NALF1: variants seen among roughly 807,000 people sequenced by gnomAD.
The protein encoded by NALF1 is family with sequence similarity 155 member A.
Under a neutral mutation model 48.4 loss-of-function variants are expected in NALF1, and 3 were observed. The observed-to-expected ratio is 0.06, with a 90% CI of 0.03 to 0.16. The LOEUF (loss-of-function observed/expected upper bound fraction) is 0.16, where lower values mean the gene tolerates loss of function less well. Ranked by LOEUF, NALF1 falls within the 10% of genes least tolerant of loss-of-function variation. NALF1 has a pLI of 1.00. For synonymous variants in NALF1, 262 were observed against 245.7 expected (o/e 1.07, Z -0.62); for missense variants, 526 against 571.5 (o/e 0.92, Z 0.81).
intron 1 of NALF1, among the ~76,000 whole-genome samples, chr13:107,421,283 T>C (rs1458772600): frequency 6.6e-6 from 1 of 152,174 alleles, no homozygotes; most frequent in African/African-American, 2.4e-5. Flanking sequence ...TGGTGCTTCC[T>C]CCTCAGATAT....
chr13:107,777,801 A>G (rs917407337), intron 1 of NALF1, among the ~76,000 whole-genome samples: 18 of 152,230 alleles, frequency 1.2e-4, no homozygotes, highest in African/African-American at 3.4e-4. Flanking sequence ...TTTTATGTAA[A>G]TTATAGGAAA....
intron 1 of NALF1, among the ~76,000 whole-genome samples, chr13:107,688,572 GA>G (rs1299463515): frequency 1.3e-5 from 2 of 151,528 alleles, no homozygotes; most frequent in Admixed American, 6.6e-5. Flanking sequence ...ACAGGAAAAA[GA>G]AAAAAAGGGT....
Position 107,413,428 on chromosome 13 carries a change from T to A in NALF1, c.916-202673A>T, listed in dbSNP as rs80228878. Among the ~76,000 whole-genome samples, 658 of 152,070 alleles carry A rather than the reference T, an allele frequency of 4.3e-3. 5 individuals carry two copies. The highest frequency in any genetic ancestry group is 0.015 in the African/African-American group (625 of 41,490). ...GACCTACATGCATATTATAAACAAG[T>A]GATAAAGAAAATGCTGAAAACTCGT... On this transcript the variant is annotated intron_variant, in intron 1 of 2. Coordinates refer to ENST00000375915, the MANE Select transcript of NALF1 (RefSeq NM_001080396.3).
intron 1 of NALF1, among the ~76,000 whole-genome samples, chr13:107,511,763 G>A (rs1271559019): frequency 6.6e-6 from 1 of 152,064 alleles, no homozygotes; most frequent in Non-Finnish European, 1.5e-5. Flanking sequence ...GAATATTGAT[G>A]TTTCATTTCG....
At chr13:107,618,019 C>T (rs113547171) in intron 1 of NALF1, among the ~76,000 whole-genome samples, 6 of 152,038 alleles carry the variant, frequency 3.9e-5, no homozygotes, top group African/African-American at 1.5e-4. Flanking sequence ...AATAAGCATG[C>T]TCCCTGCTCT....
At chr13:107,327,973 T>C (rs1882396464) in intron 1 of NALF1, among the ~76,000 whole-genome samples, 1 of 151,668 alleles carries the variant, frequency 6.6e-6, no homozygotes, top group Admixed American at 6.6e-5. Flanking sequence ...CAGGCTGGAG[T>C]TCGGTGGCAG....
intron 1 of NALF1, among the ~76,000 whole-genome samples, chr13:107,524,576 TG>T (rs1293753683): frequency 6.6e-6 from 1 of 152,044 alleles, no homozygotes; most frequent in African/African-American, 2.4e-5. Context: ...GTAGATGGGA[TG>T]ATTTTTAAAG....
intron 1 of NALF1, among the ~76,000 whole-genome samples, chr13:107,708,959 C>T (rs1302772340): frequency 1.3e-5 from 2 of 152,026 alleles, no homozygotes; most frequent in East Asian, 1.9e-4. Context: ...TTTATGTTTA[C>T]CAGAAATGCA....
At chr13:107,663,390 A>G (rs1265100564) in intron 1 of NALF1, among the ~76,000 whole-genome samples, 1 of 152,214 alleles carries the variant, frequency 6.6e-6, no homozygotes, top group African/African-American at 2.4e-5. Context: ...GAAGGTATGT[A>G]GCGGATTTAT....
rs188104679 is a variant in NALF1 at position 107,527,304 on chromosome 13, G to A, written c.916-316549C>T. On this transcript the variant is annotated intron_variant, in intron 1 of 2. Coordinates refer to ENST00000375915, the MANE Select transcript of NALF1 (RefSeq NM_001080396.3). ...TGTGATAAATTAACATCAGCGAAGC[G>A]TTCAGGGGATATCTTTGGGAACATG... Among the ~76,000 whole-genome samples the A allele has an allele frequency of 1.5e-4, 23 of 152,138 alleles. No individual in the cohort carries two copies. The East Asian group carries it at 1.5e-3, about 10-fold the overall frequency.
At chr13:107,864,779 T>C (rs950282074) in intron 1 of NALF1, among the ~76,000 whole-genome samples, 1 of 152,192 alleles carries the variant, frequency 6.6e-6, no homozygotes, top group African/African-American at 2.4e-5. Flanking sequence ...TATTGTTGCA[T>C]TTGCATCGAC....
At chr13:107,496,405 C>T (rs188009209) in intron 1 of NALF1, among the ~76,000 whole-genome samples, 44 of 152,240 alleles carry the variant, frequency 2.9e-4, no homozygotes, top group African/African-American at 9.4e-4. Context: ...TGCTAGTAAA[C>T]GAAATCATCA....
At chr13:107,712,988 A>G (rs913646812) in intron 1 of NALF1, among the ~76,000 whole-genome samples, 1 of 152,168 alleles carries the variant, frequency 6.6e-6, no homozygotes, top group Non-Finnish European at 1.5e-5. Flanking sequence ...TTAACCTGAC[A>G]CTGGGGAGCG....
intron 1 of NALF1, among the ~76,000 whole-genome samples, chr13:107,832,944 G>A (rs895226005): frequency 2.6e-5 from 4 of 152,148 alleles, no homozygotes; most frequent in African/African-American, 9.7e-5. Context: ...TTCTTCAGCA[G>A]CACAGCGCCT....
intron 1 of NALF1, among the ~76,000 whole-genome samples, chr13:107,701,916 C>T (rs1272122601): frequency 2.0e-5 from 3 of 151,930 alleles, no homozygotes; most frequent in Non-Finnish European, 2.9e-5. Flanking sequence ...CACTTTAATG[C>T]GCTTATCATA....
intron 1 of NALF1, among the ~76,000 whole-genome samples, chr13:107,734,707 T>C (rs1053613041): frequency 2.6e-5 from 4 of 152,110 alleles, no homozygotes; most frequent in African/African-American, 9.7e-5. Context: ...AAAGTACAGA[T>C]AATGCTTATT....
At chr13:107,791,064 C>A (rs953576922) in intron 1 of NALF1, among the ~76,000 whole-genome samples, 2 of 151,996 alleles carry the variant, frequency 1.3e-5, no homozygotes, top group East Asian at 3.9e-4. Context: ...GTAAAGGTGG[C>A]AAATGGAAAA....
intron 1 of NALF1, among the ~76,000 whole-genome samples, chr13:107,537,104 T>C (rs1566383052): frequency 6.6e-6 from 1 of 152,026 alleles, no homozygotes; most frequent in African/African-American, 2.4e-5. Context: ...TGGGGAGGGA[T>C]AGCATTAGAA....
chr13:107,378,130 C>A (rs775583671), intron 1 of NALF1, among the ~76,000 whole-genome samples: 1 of 152,082 alleles, frequency 6.6e-6, no homozygotes, highest in Non-Finnish European at 1.5e-5. Flanking sequence ...TTGCTGTGAG[C>A]CCGAGTTGCC....
Sources: gnomAD v4.1 joint callset for allele counts (sites outside exome capture counted in the v4.1 genomes callset) on GRCh38, gnomAD v4.1.1 for gene constraint, MANE v1.5 for transcripts, NCBI Gene and HGNC (gene_info 2026-07-23, HGNC 2026-07-21) for gene names.